Variants in GALNT1 observed in about 807,000 individuals in gnomAD.
The protein encoded by GALNT1 is GalNAc transferase 1.
Under a neutral mutation model 65.7 loss-of-function variants are expected in GALNT1, and 17 were observed. The ratio of observed to expected loss-of-function variants is 0.26; its 90% CI spans 0.18 to 0.39. The LOEUF is 0.39. GALNT1 is among the 10% of genes least tolerant of loss of function. GALNT1 has a pLI of 1.00. For missense variants in GALNT1, 460 were observed against 672.8 expected (o/e 0.68, Z 3.50); for synonymous variants, 210 against 219.7 (o/e 0.96, Z 0.39).
rs186208993 is a variant in GALNT1 at position 35,709,978 on chromosome 18, A to G, written c.*208A>G. The G allele has an allele frequency of 2.1e-4, 116 of 565,468 alleles. 1 individual carries two copies. The highest frequency in any genetic ancestry group is 1.9e-3 in the African/African-American group (99 of 53,352). 35.0% of individuals were successfully genotyped at this position (565,468 alleles called of 1,614,324 possible). A position where few individuals can be genotyped will look rare whatever the true frequency, so the allele number is the denominator to read the frequency against. ...GTCCATGGACGTGAAACTGCATAGT[A>G]ATGAGACTGTGCACACTGATGTTTA... On this transcript the variant is annotated 3_prime_UTR_variant, in exon 12 of 12. Coordinates refer to ENST00000269195, the MANE Select transcript of GALNT1 (RefSeq NM_020474.4).
intron 9 of GALNT1, among the ~76,000 whole-genome samples, chr18:35,696,621 C>A (rs1445686872): frequency 6.6e-6 from 1 of 152,210 alleles, no homozygotes; most frequent in Non-Finnish European, 1.5e-5. Context: ...CTAACATTTA[C>A]TGAGCATGTA....
intron 1 of GALNT1, among the ~76,000 whole-genome samples, chr18:35,639,712 A>G (rs2047136970): frequency 6.6e-6 from 1 of 152,200 alleles, no homozygotes. Flanking sequence ...TCCCATTAAC[A>G]TTAACTTATT....
intron 7 of GALNT1, 82 bp from the exon 8 acceptor site, chr18:35,690,930 A>G: frequency 7.7e-7 from 1 of 1,297,244 alleles, no homozygotes; most frequent in Non-Finnish European, 1.0e-6. Flanking sequence ...TTAATTGAAA[A>G]GAAAAATACT....
At chr18:35,676,094 C>G (rs966079537) in intron 3 of GALNT1, among the ~76,000 whole-genome samples, 3 of 152,150 alleles carry the variant, frequency 2.0e-5, no homozygotes, top group Non-Finnish European at 2.9e-5. Flanking sequence ...TGGGCCACAC[C>G]TCTTTAGCCT....
chr18:35,620,758 T>A (rs999986106), intron 1 of GALNT1, among the ~76,000 whole-genome samples: 15 of 152,110 alleles, frequency 9.9e-5, no homozygotes, highest in African/African-American at 3.4e-4. Context: ...ATTGTATAGT[T>A]CATGTGTACA....
intron 1 of GALNT1, among the ~76,000 whole-genome samples, chr18:35,601,654 A>T (rs1181518866): frequency 1.3e-5 from 2 of 152,192 alleles, no homozygotes; most frequent in Non-Finnish European, 2.9e-5. Context: ...GTCAGAAAAG[A>T]TACTTGATAT....
chr18:35,600,223 A>T (rs1448448035), intron 1 of GALNT1, among the ~76,000 whole-genome samples: 1 of 152,130 alleles, frequency 6.6e-6, no homozygotes, highest in East Asian at 1.9e-4. Flanking sequence ...TTTTCCTTGT[A>T]GAGATCATTC....
intron 1 of GALNT1, among the ~76,000 whole-genome samples, chr18:35,586,334 A>G (rs2046377672): frequency 6.6e-6 from 1 of 152,094 alleles, no homozygotes; most frequent in Non-Finnish European, 1.5e-5. Context: ...TTCTTTATAT[A>G]TTCTAAATAC....
At chr18:35,636,902 C>A (rs1407147704) in intron 1 of GALNT1, among the ~76,000 whole-genome samples, 1 of 146,976 alleles carries the variant, frequency 6.8e-6, no homozygotes, top group African/African-American at 2.5e-5. Context: ...CTTTATGTCA[C>A]ATTTTGGTAA....
intron 1 of GALNT1, among the ~76,000 whole-genome samples, chr18:35,602,437 TTGA>T (rs2046593669): frequency 6.6e-6 from 1 of 152,200 alleles, no homozygotes; most frequent in African/African-American, 2.4e-5. Context: ...TGTTATTTAT[TTGA>T]ATAAGCTTTC....
At chr18:35,675,034 A>G (rs141767324) in intron 3 of GALNT1, among the ~76,000 whole-genome samples, 3 of 151,906 alleles carry the variant, frequency 2.0e-5, no homozygotes, top group African/African-American at 7.2e-5. Flanking sequence ...ACTGAGGATA[A>G]AAGTCTCACT....
chr18:35,649,976 C>T (rs938891859), intron 1 of GALNT1, among the ~76,000 whole-genome samples: 1 of 152,032 alleles, frequency 6.6e-6, no homozygotes, highest in African/African-American at 2.4e-5. Context: ...CCGAAGATTC[C>T]CAGATGATGT....
At chr18:35,606,755 C>T (rs1374924017) in intron 1 of GALNT1, among the ~76,000 whole-genome samples, 1 of 151,250 alleles carries the variant, frequency 6.6e-6, no homozygotes, top group Non-Finnish European at 1.5e-5. Context: ...GGTAAAATGC[C>T]AGGTCAGACT....
chr18:35,652,818 G>A (rs546378440), intron 1 of GALNT1, among the ~76,000 whole-genome samples: 15 of 152,226 alleles, frequency 9.9e-5, no homozygotes, highest in East Asian at 9.7e-4. Context: ...GCACCCTTGC[G>A]AAACTTAAGT....
intron 1 of GALNT1, among the ~76,000 whole-genome samples, chr18:35,585,103 G>C (rs1314447704): frequency 6.6e-6 from 1 of 152,154 alleles, no homozygotes; most frequent in Non-Finnish European, 1.5e-5. Flanking sequence ...CTTCAGGTTG[G>C]CTGGGTTGGG....
intron 1 of GALNT1, among the ~76,000 whole-genome samples, chr18:35,624,847 C>T (rs56833437): frequency 0.013 from 1,966 of 152,238 alleles, 45 homozygotes; most frequent in African/African-American, 0.045. Context: ...TCACATGATA[C>T]GTTTTCTGGC....
In GALNT1 at chr18:35,662,825, C is replaced by T. The variant is rs541626046; in HGVS notation, c.140-803C>T. The stretch of plus-strand genomic sequence containing the variant: ...GTTTTTCTTGGACATTTATTAACGT[C>T]TCAAAAACATAAGGAAGAAAGTTTG... On this transcript the variant is annotated intron_variant, in intron 2 of 11. Coordinates refer to ENST00000269195, the MANE Select transcript of GALNT1 (RefSeq NM_020474.4). Among the ~76,000 whole-genome samples, 12 of 152,218 alleles carry T rather than the reference C, an allele frequency of 7.9e-5. No homozygotes were observed. The South Asian group carries it at 2.5e-3, about 32-fold the overall frequency.
chr18:35,601,054 C>T (rs2046575262), intron 1 of GALNT1, among the ~76,000 whole-genome samples: 1 of 152,078 alleles, frequency 6.6e-6, no homozygotes. Flanking sequence ...TAGAATTCAG[C>T]AGTGAAGCCA....
intron 1 of GALNT1, among the ~76,000 whole-genome samples, chr18:35,638,070 G>A (rs542936216): frequency 2.4e-4 from 36 of 152,296 alleles, no homozygotes; most frequent in Non-Finnish European, 4.4e-4. Flanking sequence ...GAATGCACCT[G>A]GTTACCCAAG....
Sources: allele counts gnomAD v4.1 joint callset (sites outside exome capture counted in the v4.1 genomes callset), GRCh38; gene constraint gnomAD v4.1.1; transcripts MANE v1.5; gene names NCBI Gene and HGNC (gene_info 2026-07-23, HGNC 2026-07-21).